PEF1: variants seen among roughly 807,000 people sequenced by gnomAD.
PEF1 encodes peflin.
A neutral mutation model predicts 32.0 loss-of-function variants in PEF1; 17 were observed. The observed-to-expected ratio is 0.53, with a 90% CI of 0.36 to 0.80. The LOEUF is 0.80. Among genes scored for constraint, PEF1 ranks in the 30% least tolerant of loss-of-function variants. The probability of loss-of-function intolerance (pLI) is 0.00; values close to 1 mark genes in which losing one functional copy is unlikely to be tolerated. For synonymous variants in PEF1, 130 were observed against 139.8 expected (o/e 0.93, Z 0.50); for missense variants, 362 against 369.1 (o/e 0.98, Z 0.16).
intron 1 of PEF1, among the ~76,000 whole-genome samples, chr1:31,639,712 A>G (rs1428712924): frequency 6.6e-6 from 1 of 152,228 alleles, no homozygotes; most frequent in Non-Finnish European, 1.5e-5. Context: ...GCTATTTCAG[A>G]GATAGACCAG....
chr1:31,630,670 G>T lies in PEF1; in HGVS notation c.798C>A (p.Gly266=). The change falls in exon 5 of 5, where the codon GGC becomes GGA. Residue 266 remains glycine (G), a synonymous_variant. Coordinates refer to ENST00000373703, the MANE Select transcript of PEF1 (RefSeq NM_012392.4). The part of the protein sequence containing the change: ...AFREKDTAVQ[G]NIRLSFEDFV... ...AGTCCTCGAAGCTGAGCCGAATGTTGCCTTGTACAGCTGTGTCCTTCTCCC... is the reference window on the plus strand; with the variant it reads ...AGTCCTCGAAGCTGAGCCGAATGTTTCCTTGTACAGCTGTGTCCTTCTCCC... 1 of 1,613,648 alleles carries T rather than the reference G, an allele frequency of 6.2e-7. No individual in the cohort carries two copies. The highest frequency in any genetic ancestry group is 1.1e-5 in the South Asian group (1 of 91,058).
chr1:31,630,181 C>T lies in PEF1; in HGVS notation c.*432G>A. On this transcript the variant is annotated 3_prime_UTR_variant, in exon 5 of 5. Coordinates refer to ENST00000373703, the MANE Select transcript of PEF1 (RefSeq NM_012392.4). The stretch of plus-strand genomic sequence containing the variant: ...TAGACAGATCTCTCTCATGCTTGGT[C>T]AGATTCCACTTTGGAGAAAATGGGC... 1 of 241,986 alleles carries T rather than the reference C, an allele frequency of 4.1e-6. No homozygotes were observed. The allele number at this position is 241,986 out of a possible 1,614,324, so 15.0% of individuals were successfully genotyped here.
chr1:31,640,209 G>T (rs1457473948), intron 1 of PEF1, among the ~76,000 whole-genome samples: 4 of 152,166 alleles, frequency 2.6e-5, no homozygotes, highest in Non-Finnish European at 5.9e-5. Flanking sequence ...GCTCTGCTAG[G>T]TGCTTCCAGT....
At chr1:31,634,769 T>G in intron 2 of PEF1, 1 of 439,910 alleles carries the variant, frequency 2.3e-6, no homozygotes, top group Non-Finnish European at 4.6e-6. Flanking sequence ...CCCATCCTAC[T>G]GATGTCAGTC....
chr1:31,638,803 T>A (rs139933779), intron 1 of PEF1, among the ~76,000 whole-genome samples: 1 of 152,364 alleles, frequency 6.6e-6, no homozygotes, highest in Non-Finnish European at 1.5e-5. Context: ...CTTTTACAGA[T>A]GAAGAAACTA....
At chr1:31,644,671 G>C (rs954284147) in intron 1 of PEF1, 170 bp downstream of exon 1, 19 of 1,467,870 alleles carry the variant, frequency 1.3e-5, no homozygotes, top group Admixed American at 6.7e-5. Flanking sequence ...TTCATGACGT[G>C]AGCAGGGCGC....
At chr1:31,643,707 T>G (rs1329291750) in intron 1 of PEF1, among the ~76,000 whole-genome samples, 1 of 152,244 alleles carries the variant, frequency 6.6e-6, no homozygotes, top group Non-Finnish European at 1.5e-5. Context: ...CTGGAAGGAC[T>G]GTTACATCTT....
chr1:31,634,779 C>G, intron 2 of PEF1: 1 of 448,494 alleles, frequency 2.2e-6, no homozygotes, highest in South Asian at 1.6e-5. Context: ...TGATGTCAGT[C>G]TTGATCAGGG....
intron 2 of PEF1, among the ~76,000 whole-genome samples, chr1:31,634,202 C>A (rs1332660876): frequency 6.6e-6 from 1 of 152,174 alleles, no homozygotes; most frequent in Non-Finnish European, 1.5e-5. Context: ...TAGCCATCTT[C>A]CTAAAACATC....
intron 2 of PEF1, among the ~76,000 whole-genome samples, 184 bp from the exon 3 acceptor site, chr1:31,633,498 G>A (rs1640173121): frequency 6.6e-6 from 1 of 152,220 alleles, no homozygotes; most frequent in Non-Finnish European, 1.5e-5. Context: ...AGTATTTGCA[G>A]TTGATTTCTA....
rs1217517088 is a variant in PEF1 at position 31,633,283 on chromosome 1, G to C, written c.357C>G (p.Ala119=). 1.9e-6 allele frequency: 3 copies of C among 1,613,822 alleles called. No individual in the cohort carries two copies. Among genetic ancestry groups the C allele is most frequent in the Non-Finnish European group, 2.5e-6 (3 of 1,179,858 alleles). ...GGAPPNVDPE[A]YSWFQSVDSD... The stretch of plus-strand genomic sequence containing the variant: ...AGTCCACCGACTGGAACCAGGAGTA[G>C]GCCTCAGGATCCACATTGGGAGGGG... The change falls in exon 3 of 5, where the codon GCC becomes GCG. Residue 119 remains alanine, a synonymous_variant. Coordinates refer to ENST00000373703, the MANE Select transcript of PEF1 (RefSeq NM_012392.4).
At chr1:31,637,135 T>G (rs941628196) in intron 1 of PEF1, among the ~76,000 whole-genome samples, 13 of 148,710 alleles carry the variant, frequency 8.7e-5, no homozygotes, top group African/African-American at 3.2e-4. Flanking sequence ...ATTCATGAGG[T>G]TTTTTTGTGG....
intron 4 of PEF1, among the ~76,000 whole-genome samples, chr1:31,631,132 C>T (rs1016479411): frequency 2.6e-5 from 4 of 152,204 alleles, no homozygotes; most frequent in African/African-American, 9.7e-5. Context: ...GGACTATCCG[C>T]AATCATCTCT....
At chr1:31,638,718 T>C (rs1255268977) in intron 1 of PEF1, among the ~76,000 whole-genome samples, 1 of 152,250 alleles carries the variant, frequency 6.6e-6, no homozygotes, top group Non-Finnish European at 1.5e-5. Context: ...CAAAGTACTT[T>C]CACAAACACA....
intron 1 of PEF1, among the ~76,000 whole-genome samples, chr1:31,638,086 T>G (rs1337484194): frequency 1.3e-5 from 2 of 152,104 alleles, no homozygotes; most frequent in African/African-American, 4.8e-5. Context: ...GTGTTTGAAA[T>G]GGAGACATAA....
chr1:31,640,140 T>C (rs563728552), intron 1 of PEF1, among the ~76,000 whole-genome samples: 1 of 152,286 alleles, frequency 6.6e-6, no homozygotes, highest in East Asian at 1.9e-4. Flanking sequence ...CTCTGGCTGA[T>C]TGCAAATAAG....
At chr1:31,631,179 A>G (rs1640091835) in intron 4 of PEF1, among the ~76,000 whole-genome samples, 1 of 152,220 alleles carries the variant, frequency 6.6e-6, no homozygotes. Flanking sequence ...CTGAGCTCCC[A>G]GGACCACCTT....
chr1:31,632,378 A>T (rs769447113), intron 4 of PEF1, 117 bp downstream of exon 4: 1 of 1,536,678 alleles, frequency 6.5e-7, no homozygotes, highest in South Asian at 1.1e-5. Context: ...TGAGAACAGC[A>T]TTTTGTAGTG....
At chr1:31,638,269 TG>T (rs1640308728) in intron 1 of PEF1, among the ~76,000 whole-genome samples, 2 of 151,228 alleles carry the variant, frequency 1.3e-5, no homozygotes, top group Admixed American at 1.3e-4. Flanking sequence ...ATTTTACAGA[TG>T]GGGGAGGGAG....
Sources: gnomAD v4.1 joint callset for allele counts (sites outside exome capture counted in the v4.1 genomes callset) on GRCh38, gnomAD v4.1.1 for gene constraint, MANE v1.5 for transcripts, NCBI Gene and HGNC (gene_info 2026-07-23, HGNC 2026-07-21) for gene names.